The following ZNF438 variants were observed in gnomAD, a reference collection of about 807,000 sequenced individuals.
ZNF438 encodes the protein zinc finger protein 438.
ZNF438 carries 25 observed loss-of-function variants against 38.0 expected under a neutral mutation model. That is an observed-to-expected ratio of 0.66 (90% CI 0.48 to 0.92). ZNF438 has a LOEUF of 0.92. ZNF438 is among the 40% of genes least tolerant of loss of function. The pLI, the probability that ZNF438 is intolerant of heterozygous loss-of-function variation, is 0.00. For missense variants in ZNF438, 1,007 were observed against 999.6 expected, an observed-to-expected ratio of 1.01 and a Z score of -0.10; for synonymous variants, 372 against 364.1, an observed-to-expected ratio of 1.02 and a Z score of -0.25.
At chr10:30,898,286 A>C (rs1465241821) in intron 3 of ZNF438, among the ~76,000 whole-genome samples, 1 of 152,208 alleles carries the variant, frequency 6.6e-6, no homozygotes, top group Non-Finnish European at 1.5e-5. Flanking sequence ...CAACAAGAAT[A>C]AAGTAGATCT....
At chr10:30,947,820 C>A (rs984044164) in intron 1 of ZNF438, among the ~76,000 whole-genome samples, 2 of 152,186 alleles carry the variant, frequency 1.3e-5, no homozygotes, top group Admixed American at 6.5e-5. Context: ...TTCTTTGACT[C>A]GGAAAGGGAA....
intron 2 of ZNF438, among the ~76,000 whole-genome samples, chr10:30,918,590 C>T (rs976356940): frequency 1.3e-5 from 2 of 152,050 alleles, no homozygotes; most frequent in Non-Finnish European, 2.9e-5. Context: ...CATTTTCACT[C>T]CTTGGAAACA....
At chr10:30,972,965 A>T (rs1187661038) in intron 1 of ZNF438, among the ~76,000 whole-genome samples, 1 of 152,202 alleles carries the variant, frequency 6.6e-6, no homozygotes, top group Non-Finnish European at 1.5e-5. Flanking sequence ...CATCATCATC[A>T]TCATCATCAT....
chr10:30,909,902 C>A (rs183179998), intron 2 of ZNF438, among the ~76,000 whole-genome samples: 1 of 152,322 alleles, frequency 6.6e-6, no homozygotes, highest in East Asian at 1.9e-4. Flanking sequence ...AATATCCACA[C>A]AAGTAGGGTA....
chr10:30,992,141 T>C lies in ZNF438; in HGVS notation c.-192+39692A>G, dbSNP rs528816482. ...CTTGCCAGATGTTAGTACCTTACTC[T>C]TGGACTTCCCAGCCTATACACTGTA... On this transcript the variant is annotated intron_variant, in intron 1 of 5. Coordinates refer to ENST00000413025, the Ensembl canonical transcript of ZNF438. Among the ~76,000 whole-genome samples the C allele has an allele frequency of 2.6e-5, 4 of 152,366 alleles. No individual in the cohort carries two copies. In the East Asian group the frequency reaches 7.7e-4, roughly 29 times the overall value.
intron 1 of ZNF438, among the ~76,000 whole-genome samples, chr10:30,942,545 G>A (rs917687060): frequency 3.3e-5 from 5 of 152,184 alleles, no homozygotes; most frequent in South Asian, 2.1e-4. Flanking sequence ...AGACTGAGAC[G>A]TGAAACCATC....
intron 1 of ZNF438, among the ~76,000 whole-genome samples, chr10:31,015,870 G>A (rs898202693): frequency 6.6e-6 from 1 of 152,154 alleles, no homozygotes; most frequent in African/African-American, 2.4e-5. Context: ...CTTCACACAG[G>A]TGAAAAGAGA....
intron 3 of ZNF438, among the ~76,000 whole-genome samples, chr10:30,906,770 T>C (rs1589132232): frequency 6.6e-6 from 1 of 152,216 alleles, no homozygotes; most frequent in Non-Finnish European, 1.5e-5. Context: ...AGTGTTTGTA[T>C]GATAAAAGGG....
rs997860731 is a variant in ZNF438 at position 30,893,219 on chromosome 10, T to C, written c.-32+15714A>G. The stretch of plus-strand genomic sequence containing the variant: ...ACGTTTAAGGATTCTAACATGCCTA[T>C]GTAATTGTCTCAACTTTAGCTGAAT... On this transcript the variant is annotated intron_variant, in intron 3 of 5. Transcript: ENST00000413025. Among the ~76,000 whole-genome samples the C allele has an allele frequency of 2.6e-5, 4 of 152,248 alleles. No homozygotes were observed. The South Asian group carries it at 8.3e-4, about 31-fold the overall frequency.
At chr10:31,030,124 A>C (rs77790140) in intron 1 of ZNF438, among the ~76,000 whole-genome samples, 12,897 of 152,134 alleles carry the variant, frequency 0.085, 632 homozygotes, top group Non-Finnish European at 0.11. Flanking sequence ...ACTTTTTTTA[A>C]GTGTTCATTG....
At chr10:30,929,356 GT>G (rs1162414216) in intron 2 of ZNF438, among the ~76,000 whole-genome samples, 1 of 152,188 alleles carries the variant, frequency 6.6e-6, no homozygotes, top group African/African-American at 2.4e-5. Flanking sequence ...GGTCTGGCTG[GT>G]TTCAGGAGTG....
chr10:30,907,179 T>C (rs1407455228), intron 3 of ZNF438, among the ~76,000 whole-genome samples: 1 of 152,196 alleles, frequency 6.6e-6, no homozygotes, highest in Admixed American at 6.5e-5. Context: ...TTCACCATGG[T>C]GGCTAGGCTG....
intron 2 of ZNF438, among the ~76,000 whole-genome samples, chr10:30,918,797 A>G (rs772769825): frequency 3.3e-5 from 5 of 152,190 alleles, no homozygotes; most frequent in Non-Finnish European, 5.9e-5. Flanking sequence ...ACACATTTTA[A>G]GTAGATTATC....
intron 1 of ZNF438, among the ~76,000 whole-genome samples, chr10:31,003,574 C>G (rs374779607): frequency 1.8e-4 from 27 of 152,246 alleles, no homozygotes; most frequent in Admixed American, 1.3e-3. Flanking sequence ...TGATACTAAC[C>G]TCATGAAGGT....
intron 4 of ZNF438, among the ~76,000 whole-genome samples, chr10:30,854,076 T>C (rs929104565): frequency 3.3e-5 from 5 of 152,086 alleles, no homozygotes; most frequent in Non-Finnish European, 4.4e-5. Context: ...TCCCAGCACT[T>C]TGGGAGGCCG....
chr10:31,022,056 T>C (rs561060727), intron 1 of ZNF438, among the ~76,000 whole-genome samples: 5 of 152,184 alleles, frequency 3.3e-5, no homozygotes, highest in Non-Finnish European at 5.9e-5. Context: ...TGCCATCTTA[T>C]ACTACACAAC....
chr10:30,973,111 C>T (rs1005922744), intron 1 of ZNF438, among the ~76,000 whole-genome samples: 1 of 152,106 alleles, frequency 6.6e-6, no homozygotes, highest in Non-Finnish European at 1.5e-5. Flanking sequence ...CAGTAGTTAA[C>T]GCTGTAGTTC....
chr10:30,983,276 G>A (rs1159244207), intron 1 of ZNF438, among the ~76,000 whole-genome samples: 2 of 152,214 alleles, frequency 1.3e-5, no homozygotes, highest in Admixed American at 6.5e-5. Flanking sequence ...AACTATCTGA[G>A]ACTGGGTAAT....
At chr10:30,980,626 C>T (rs573727366) in intron 1 of ZNF438, among the ~76,000 whole-genome samples, 2 of 152,188 alleles carry the variant, frequency 1.3e-5, no homozygotes, top group Admixed American at 1.3e-4. Context: ...GTTGAAAAGA[C>T]ATAAAAATAA....
Sources: gnomAD v4.1 joint callset for allele counts (sites outside exome capture counted in the v4.1 genomes callset) on GRCh38, gnomAD v4.1.1 for gene constraint, MANE v1.5 for transcripts, NCBI Gene and HGNC (gene_info 2026-07-23, HGNC 2026-07-21) for gene names.